RBFOX1: variants seen among roughly 807,000 people sequenced by gnomAD.
RBFOX1 encodes RNA binding protein fox-1 homolog 1.
Under a neutral mutation model 57.7 loss-of-function variants are expected in RBFOX1, and 8 were observed. The observed-to-expected ratio is 0.14, with a 90% CI of 0.08 to 0.25. RBFOX1 has a LOEUF of 0.25. Among genes scored for constraint, RBFOX1 ranks in the 10% least tolerant of loss-of-function variants. The pLI is 1.00. For synonymous variants in RBFOX1, 326 were observed against 222.4 expected, an observed-to-expected ratio of 1.47 and a Z score of -4.15; for missense variants, 611 against 548.5, an observed-to-expected ratio of 1.11 and a Z score of -1.14.
At chr16:7,361,963 TTG>T (rs2097331796) in intron 4 of RBFOX1, among the ~76,000 whole-genome samples, 2 of 151,898 alleles carry the variant, frequency 1.3e-5, no homozygotes, top group South Asian at 4.2e-4. Context: ...GTGTGTATGT[TTG>T]TGTGTATGCC....
chr16:5,827,323 C>A (rs1457415342), intron 3 of RBFOX1, among the ~76,000 whole-genome samples: 1 of 150,316 alleles, frequency 6.7e-6, no homozygotes, highest in Non-Finnish European at 1.5e-5. Context: ...TTGCTTGAGC[C>A]CAGGGGGCGG....
Position 6,149,301 on chromosome 16 carries a change from G to A in RBFOX1, c.-127+129309G>A, listed in dbSNP as rs75300220. Among the ~76,000 whole-genome samples the A allele has an allele frequency of 2.4e-4, 36 of 152,336 alleles. No homozygotes were observed. The East Asian group carries it at 5.4e-3, about 23-fold the overall frequency. On this transcript the variant is annotated intron_variant, in intron 1 of 15. Transcript: ENST00000550418. ...TGTACTTTGGATTTGAATGTCTGTT[G>A]TTCCCTTTACCAGATGTGTGTCCTT...
chr16:7,571,424 C>T (rs1040927771), intron 5 of RBFOX1, among the ~76,000 whole-genome samples: 2 of 152,140 alleles, frequency 1.3e-5, no homozygotes, highest in African/African-American at 4.8e-5. Context: ...TCCAATTTCA[C>T]CAGGATTAGT....
intron 4 of RBFOX1, among the ~76,000 whole-genome samples, chr16:7,464,350 C>G (rs2060108124): frequency 1.3e-5 from 2 of 152,106 alleles, no homozygotes; most frequent in African/African-American, 2.4e-5. Flanking sequence ...AACGCTGACT[C>G]TTTTCCAAAG....
In RBFOX1 at chr16:7,006,322, T is replaced by C. The variant is rs144441395; in HGVS notation, c.-15-45735T>C. Among the ~76,000 whole-genome samples the C allele has an allele frequency of 9.1e-4, 139 of 152,142 alleles. 1 individual carries two copies. The highest frequency in any genetic ancestry group is 3.2e-3 in the African/African-American group (134 of 41,514). On this transcript the variant is annotated intron_variant, in intron 3 of 15. Coordinates refer to ENST00000550418, the MANE Select transcript of RBFOX1 (RefSeq NM_018723.4). ...GGTACACACCAGTATACCCAGCTAA[T>C]TTTTGTATTTTTAGTAGGGACGGGG...
chr16:6,858,048 C>G (rs2058232030), intron 3 of RBFOX1, among the ~76,000 whole-genome samples: 2 of 152,140 alleles, frequency 1.3e-5, no homozygotes, highest in Admixed American at 1.3e-4. Flanking sequence ...AAATGTTCAT[C>G]CCAAGAATGG....
At chr16:6,646,371 C>T (rs2098535019) in intron 2 of RBFOX1, among the ~76,000 whole-genome samples, 1 of 152,096 alleles carries the variant, frequency 6.6e-6, no homozygotes, top group Admixed American at 6.5e-5. Flanking sequence ...ATAAAAAATC[C>T]AGCATGGGTT....
intron 3 of RBFOX1, among the ~76,000 whole-genome samples, chr16:6,825,704 G>C (rs1165192894): frequency 6.6e-6 from 1 of 152,136 alleles, no homozygotes; most frequent in East Asian, 1.9e-4. Flanking sequence ...CCTAGTAGCA[G>C]ATGAAGAGGA....
At chr16:6,591,039 G>T (rs757962511) in intron 2 of RBFOX1, among the ~76,000 whole-genome samples, 1 of 152,186 alleles carries the variant, frequency 6.6e-6, no homozygotes, top group Non-Finnish European at 1.5e-5. Flanking sequence ...ATGTGGACAA[G>T]TATAATTGTG....
intron 2 of RBFOX1, among the ~76,000 whole-genome samples, chr16:6,564,415 G>A (rs983769685): frequency 3.3e-5 from 5 of 152,088 alleles, no homozygotes; most frequent in Admixed American, 6.6e-5. Flanking sequence ...AGCCGAGATC[G>A]TGCCACTACA....
intron 2 of RBFOX1, among the ~76,000 whole-genome samples, chr16:5,503,530 A>C (rs1480013138): frequency 6.6e-6 from 1 of 152,060 alleles, no homozygotes; most frequent in Admixed American, 6.6e-5. Flanking sequence ...TGTAGCCTCT[A>C]CCTCCTGGGT....
chr16:6,356,305 A>C (rs1245012591), intron 2 of RBFOX1, among the ~76,000 whole-genome samples: 1 of 152,206 alleles, frequency 6.6e-6, no homozygotes, highest in African/African-American at 2.4e-5. Flanking sequence ...CCAACAGATC[A>C]GGGTCACGTC....
intron 3 of RBFOX1, among the ~76,000 whole-genome samples, chr16:5,829,720 T>C (rs1018738379): frequency 6.6e-6 from 1 of 152,200 alleles, no homozygotes; most frequent in Non-Finnish European, 1.5e-5. Context: ...CTGTAAATCC[T>C]GGATCCAATT....
At chr16:6,020,719 C>T (rs1013916603) in intron 1 of RBFOX1, among the ~76,000 whole-genome samples, 2 of 152,122 alleles carry the variant, frequency 1.3e-5, no homozygotes, top group Non-Finnish European at 2.9e-5. Flanking sequence ...TTGTCAGCTC[C>T]AATCAACCAA....
intron 1 of RBFOX1, among the ~76,000 whole-genome samples, chr16:6,170,873 A>G (rs1012062923): frequency 7.9e-5 from 12 of 152,152 alleles, no homozygotes; most frequent in African/African-American, 2.4e-4. Context: ...AGTTTGCTAA[A>G]TATAATGGCC....
intron 4 of RBFOX1, among the ~76,000 whole-genome samples, chr16:7,506,055 G>T (rs1241965107): frequency 6.6e-6 from 1 of 151,620 alleles, no homozygotes; most frequent in Admixed American, 6.6e-5. Flanking sequence ...CATGGTGACG[G>T]GTACCTGTAG....
chr16:7,119,297 C>G (rs2066593519), intron 4 of RBFOX1, among the ~76,000 whole-genome samples: 1 of 152,114 alleles, frequency 6.6e-6, no homozygotes, highest in African/African-American at 2.4e-5. Flanking sequence ...CAACTATCCT[C>G]AGGTTTCCCT....
At chr16:7,196,438 C>T (rs2086712125) in intron 4 of RBFOX1, among the ~76,000 whole-genome samples, 1 of 152,302 alleles carries the variant, frequency 6.6e-6, no homozygotes, top group African/African-American at 2.4e-5. Flanking sequence ...TTCATTCAGA[C>T]CATTGCCAAC....
chr16:5,427,632 C>T (rs79976608), intron 1 of RBFOX1, among the ~76,000 whole-genome samples: 6,458 of 148,428 alleles, frequency 0.044, 262 homozygotes, highest in African/African-American at 0.1. Context: ...AACAAATCAC[C>T]CTGCAAGGTA....
Sources: allele counts gnomAD v4.1 joint callset (sites outside exome capture counted in the v4.1 genomes callset), GRCh38; gene constraint gnomAD v4.1.1; transcripts MANE v1.5; gene names NCBI Gene and HGNC (gene_info 2026-07-23, HGNC 2026-07-21).